ASTN2: variants seen among roughly 807,000 people sequenced by gnomAD.
The protein encoded by ASTN2 is astrotactin-2.
A neutral mutation model predicts 139.8 loss-of-function variants in ASTN2; 54 were observed. The ratio of observed to expected loss-of-function variants is 0.39; its 90% CI spans 0.31 to 0.48. The LOEUF is 0.48. Ranked by LOEUF, ASTN2 falls within the 20% of genes least tolerant of loss-of-function variation. ASTN2 has a pLI of 0.95. For missense variants in ASTN2, 1,565 were observed against 1,725.1 expected (o/e 0.91, Z 1.64); for synonymous variants, 756 against 719.5 (o/e 1.05, Z -0.81).
intron 16 of ASTN2, among the ~76,000 whole-genome samples, chr9:116,681,013 G>A (rs1275023999): frequency 6.6e-6 from 1 of 152,174 alleles, no homozygotes; most frequent in East Asian, 1.9e-4. Context: ...AGTGTTGGAA[G>A]TTCTGGCCAG....
At chr9:116,486,290 T>C (rs1474732000) in intron 20 of ASTN2, among the ~76,000 whole-genome samples, 23 of 152,184 alleles carry the variant, frequency 1.5e-4, no homozygotes, top group Admixed American at 1.4e-3. Flanking sequence ...AGCAAATGTC[T>C]AGTGAATAAG....
At position 116,699,853 on chromosome 9, in the gene ASTN2, GT is replaced by G; in HGVS notation, c.2806+25917del. The G allele has an allele frequency of 9.3e-7, 1 of 1,071,374 alleles. No homozygotes were observed. Among genetic ancestry groups the G allele is most frequent in the Non-Finnish European group, 1.4e-6 (1 of 737,952 alleles). 66.4% of individuals were successfully genotyped at this position (1,071,374 alleles called of 1,614,324 possible). On this transcript the variant is annotated intron_variant, in intron 16 of 22. Coordinates refer to ENST00000313400, the MANE Select transcript of ASTN2 (RefSeq NM_001365068.1). The surrounding 1 kb of genome is among the most constrained non-coding windows in gnomAD (Gnocchi z 4.2). ...AACTTCAGAAGCTCCATCTTTTAAT[GT>G]TTTTATTTGTTATGTCCCCCTCCCC...
At chr9:117,171,286 G>C (rs555798648) in intron 3 of ASTN2, among the ~76,000 whole-genome samples, 1 of 152,310 alleles carries the variant, frequency 6.6e-6, no homozygotes, top group East Asian at 1.9e-4. Context: ...CAGGGTTAGT[G>C]TCATGTCCAA....
intron 10 of ASTN2, among the ~76,000 whole-genome samples, chr9:116,936,251 TCACCACCAC>T (rs1434510058): frequency 1.8e-5 from 2 of 110,848 alleles, no homozygotes. Context: ...ACCACCACCA[TCACCACCAC>T]CACCACTACC....
intron 5 of ASTN2, among the ~76,000 whole-genome samples, chr9:117,061,965 A>G (rs548364181): frequency 6.6e-6 from 1 of 152,340 alleles, no homozygotes; most frequent in East Asian, 1.9e-4. Context: ...AACACTGTCC[A>G]TACTTCTACA....
intron 4 of ASTN2, among the ~76,000 whole-genome samples, chr9:117,115,741 G>C (rs1466778910): frequency 1.3e-5 from 2 of 151,708 alleles, no homozygotes; most frequent in Admixed American, 1.3e-4. Context: ...AGAGACAATT[G>C]CTGGCCGGGC....
chr9:116,809,991 A>G (rs1564280025), intron 12 of ASTN2, among the ~76,000 whole-genome samples: 1 of 152,188 alleles, frequency 6.6e-6, no homozygotes, highest in Admixed American at 6.5e-5. Context: ...TTCCCTTGTT[A>G]TGGCAAGCTT....
At chr9:117,204,727 A>T (rs1008610245) in intron 3 of ASTN2, among the ~76,000 whole-genome samples, 1 of 152,214 alleles carries the variant, frequency 6.6e-6, no homozygotes. Flanking sequence ...CAGCAAATCT[A>T]TGACCTGGGA....
intron 20 of ASTN2, among the ~76,000 whole-genome samples, chr9:116,460,805 T>C (rs1009159379): frequency 2.0e-5 from 3 of 152,114 alleles, no homozygotes; most frequent in Non-Finnish European, 1.5e-5. Flanking sequence ...AGTTTCTTTG[T>C]CAGTAAAATA....
intron 2 of ASTN2, among the ~76,000 whole-genome samples, chr9:117,216,602 G>A (rs1588092608): frequency 6.6e-6 from 1 of 152,174 alleles, no homozygotes; most frequent in South Asian, 2.1e-4. Flanking sequence ...AGGTGATTAT[G>A]TATATATCAC....
chr9:116,891,922 G>A (rs571988464), intron 10 of ASTN2, among the ~76,000 whole-genome samples: 4 of 152,254 alleles, frequency 2.6e-5, no homozygotes, highest in Middle Eastern at 3.4e-3. Context: ...AATATTCAAG[G>A]TATATAAGCT....
intron 3 of ASTN2, among the ~76,000 whole-genome samples, chr9:117,147,415 GAA>G (rs1830221903): frequency 6.9e-6 from 1 of 145,514 alleles, no homozygotes; most frequent in Non-Finnish European, 1.5e-5. Flanking sequence ...CAGTCTGGGT[GAA>G]AGAGTGAGAC....
At chr9:116,773,044 C>T (rs1036878814) in intron 13 of ASTN2, among the ~76,000 whole-genome samples, 1 of 150,668 alleles carries the variant, frequency 6.6e-6, no homozygotes, top group Non-Finnish European at 1.5e-5. Flanking sequence ...TGCTTTTCCT[C>T]TCTTTCTAGA....
intron 16 of ASTN2, chr9:116,687,209 C>T (rs537592373): frequency 3.0e-6 from 3 of 1,008,606 alleles, no homozygotes; most frequent in East Asian, 1.8e-4. Flanking sequence ...TTGCCCCGCG[C>T]GCTTGGGGCC....
chr9:117,109,172 C>T (rs1359737156), intron 4 of ASTN2, among the ~76,000 whole-genome samples: 2 of 151,910 alleles, frequency 1.3e-5, no homozygotes, highest in Admixed American at 6.6e-5. Flanking sequence ...ATTCCAGCTA[C>T]TCAAGAGGCT....
intron 7 of ASTN2, among the ~76,000 whole-genome samples, chr9:117,006,413 T>A (rs1350768865): frequency 1.3e-5 from 2 of 152,178 alleles, no homozygotes; most frequent in African/African-American, 4.8e-5. Flanking sequence ...AATCTTTGAC[T>A]CCACTCTATT....
chr9:116,553,484 T>G (rs1852449590), intron 19 of ASTN2, among the ~76,000 whole-genome samples: 1 of 152,204 alleles, frequency 6.6e-6, no homozygotes, highest in Non-Finnish European at 1.5e-5. Flanking sequence ...AGAAACGATG[T>G]GTCCAGGACA....
intron 1 of ASTN2, among the ~76,000 whole-genome samples, chr9:117,407,148 G>A (rs777919983): frequency 7.9e-5 from 12 of 152,136 alleles, no homozygotes; most frequent in Non-Finnish European, 1.6e-4. Flanking sequence ...AAGCAAGAAG[G>A]AATTTCCCCA....
chr9:116,621,435 ATG>A (rs1201862015), intron 17 of ASTN2, among the ~76,000 whole-genome samples: 4 of 122,894 alleles, frequency 3.3e-5, no homozygotes, highest in African/African-American at 1.2e-4. Context: ...ACACACACAC[ATG>A]CACGCACACA....
Sources: gnomAD v4.1 joint callset for allele counts (sites outside exome capture counted in the v4.1 genomes callset) on GRCh38, gnomAD v4.1.1 for gene constraint, Gnocchi (gnomAD v3.1) non-coding constraint, MANE v1.5 for transcripts, NCBI Gene and HGNC (gene_info 2026-07-23, HGNC 2026-07-21) for gene names.